Variants in PHACTR2 observed in about 807,000 individuals in gnomAD.
PHACTR2 encodes the protein phosphatase and actin regulator 2.
A neutral mutation model predicts 76.0 loss-of-function variants in PHACTR2; 30 were observed. The ratio of observed to expected loss-of-function variants is 0.39; its 90% CI spans 0.30 to 0.54. The LOEUF (loss-of-function observed/expected upper bound fraction) is 0.54, where lower values mean the gene tolerates loss of function less well. PHACTR2 is among the 20% of genes least tolerant of loss of function. The pLI is 0.61. For missense variants in PHACTR2, 696 were observed against 781.1 expected, an observed-to-expected ratio of 0.89 and a Z score of 1.30; for synonymous variants, 292 against 292.5, an observed-to-expected ratio of 1.00 and a Z score of 0.02.
rs1477693591 is a variant in PHACTR2, at chr6:143,654,828, A to C, written c.13+46506A>C. On this transcript the variant is annotated intron_variant, in intron 1 of 11. Transcript: ENST00000305766. The surrounding 1 kb of genome is among the most constrained non-coding windows in gnomAD (Gnocchi z 4.6). ...CTACAAATAAACAAAAACTAAATGAAGTATTGATACATGCCACAACATGGA... is the reference window on the plus strand; with the variant it reads ...CTACAAATAAACAAAAACTAAATGACGTATTGATACATGCCACAACATGGA... Among the ~76,000 whole-genome samples the C allele has an allele frequency of 6.6e-6, 1 of 152,006 alleles. No homozygotes were observed. Among genetic ancestry groups the C allele is most frequent in the Non-Finnish European group, 1.5e-5 (1 of 68,006 alleles).
chr6:143,551,059 A>C (rs529047100), intron 1 of PHACTR2, among the ~76,000 whole-genome samples: 4 of 133,084 alleles, frequency 3.0e-5, no homozygotes, highest in Non-Finnish European at 5.1e-5. Flanking sequence ...AAAAGACAAC[A>C]AAAAAAAACC....
intron 9 of PHACTR2, among the ~76,000 whole-genome samples, chr6:143,778,489 A>G (rs994802485): frequency 1.3e-5 from 2 of 150,948 alleles, no homozygotes; most frequent in East Asian, 3.9e-4. Context: ...TTTTTTTGAC[A>G]TAACTAGAAT....
chr6:143,571,178 G>T lies in PHACTR2; in HGVS notation c.217+33971G>T, dbSNP rs1775442235. On this transcript the variant is annotated intron_variant, in intron 1 of 11. Transcript: ENST00000367584. The surrounding 1 kb of genome is among the most constrained non-coding windows in gnomAD (Gnocchi z 4.6). ...CAGTACTTCTAACTAATCTGCAGCT[G>T]TCATTCAAATTTAGCCAATTATCCC... Among the ~76,000 whole-genome samples the T allele has an allele frequency of 6.6e-6, 1 of 152,156 alleles. No homozygotes were observed. The highest frequency in any genetic ancestry group is 6.5e-5 in the Admixed American group (1 of 15,280).
At chr6:143,817,723 ATAT>A (rs1776330472) in intron 12 of PHACTR2, among the ~76,000 whole-genome samples, 1 of 152,226 alleles carries the variant, frequency 6.6e-6, no homozygotes. Flanking sequence ...AACCTGGAGG[ATAT>A]TATGTTATGT....
chr6:143,710,676 G>A lies in PHACTR2; in HGVS notation c.47-1340G>A, dbSNP rs990423936. Reference sequence around the variant, plus strand: ...CGCGCCACTGCACTCCAGCCTGGGCGACAGAGCAAGACTCTATCTCAAAAA... The same window carrying A: ...CGCGCCACTGCACTCCAGCCTGGGCAACAGAGCAAGACTCTATCTCAAAAA... On this transcript the variant is annotated intron_variant, in intron 1 of 12. Transcript: ENST00000440869. This position sits in a 1 kb window ranked among gnomAD's most constrained non-coding sequence, Gnocchi z 4.9. 3.3e-5 allele frequency among the ~76,000 whole-genome samples: 5 copies of A among 152,278 alleles called. No homozygotes were observed. Among genetic ancestry groups the A allele is most frequent in the Admixed American group, 1.3e-4 (2 of 15,298 alleles).
At chr6:143,810,438 G>C (rs551867006) in intron 12 of PHACTR2, 1 of 276,142 alleles carries the variant, frequency 3.6e-6, no homozygotes, top group South Asian at 3.3e-5. Context: ...AGCATGCCTA[G>C]TCTACTCACT....
rs1779520812 is a variant in PHACTR2, at chr6:143,764,896, G to A, written c.695-365G>A. Among the ~76,000 whole-genome samples, 1 of 152,182 alleles carries A rather than the reference G, an allele frequency of 6.6e-6. No individual in the cohort carries two copies. Among genetic ancestry groups the A allele is most frequent in the South Asian group, 2.1e-4 (1 of 4,832 alleles). ...GTGCTACACCCAGCTAGCTGCTGATGTCTGTCCTTTACGCACCATAACATT... is the reference window on the plus strand; with the variant it reads ...GTGCTACACCCAGCTAGCTGCTGATATCTGTCCTTTACGCACCATAACATT... On this transcript the variant is annotated intron_variant, in intron 5 of 12. Transcript: ENST00000440869. This position sits in a 1 kb window ranked among gnomAD's most constrained non-coding sequence, Gnocchi z 4.7.
At chr6:143,712,217 A>T in intron 2 of PHACTR2, 34 bp downstream of exon 2, 1 of 1,330,554 alleles carries the variant, frequency 7.5e-7, no homozygotes, top group Non-Finnish European at 9.8e-7. Context: ...AAGATGGGAT[A>T]AATTGTAAAA....
chr6:143,658,419 A>AT lies in PHACTR2; in HGVS notation c.13+50104dup, dbSNP rs957223104. On this transcript the variant is annotated intron_variant, in intron 1 of 11. Coordinates refer to the PHACTR2 transcript ENST00000305766. This position sits in a 1 kb window ranked among gnomAD's most constrained non-coding sequence, Gnocchi z 4.1. ...GCACTCAGTCTCTTTTTCCCAACAG[A>AT]TTTTTTTCAATAAAGTACAACCATG... is the stretch of plus-strand genomic sequence containing the variant. Among the ~76,000 whole-genome samples the AT allele has an allele frequency of 7.2e-5, 11 of 152,168 alleles. No individual in the cohort carries two copies. The highest frequency in any genetic ancestry group is 1.9e-4 in the African/African-American group (8 of 41,446).
At chr6:143,814,774 T>C (rs1277465402) in intron 12 of PHACTR2, among the ~76,000 whole-genome samples, 9 of 151,962 alleles carry the variant, frequency 5.9e-5, no homozygotes, top group African/African-American at 1.9e-4. Context: ...GGCTAATTTT[T>C]TGTATTTTTA....
intron 1 of PHACTR2, among the ~76,000 whole-genome samples, chr6:143,584,080 C>T (rs1363964037): frequency 6.6e-6 from 1 of 152,198 alleles, no homozygotes; most frequent in Non-Finnish European, 1.5e-5. Flanking sequence ...GCTGTTAATA[C>T]CTCCTAAGCC....
chr6:143,622,480 C>T (rs1235782952), intron 1 of PHACTR2, among the ~76,000 whole-genome samples: 1 of 152,214 alleles, frequency 6.6e-6, no homozygotes, highest in African/African-American at 2.4e-5. Flanking sequence ...AGTCCTACCC[C>T]AGATGTGGCA....
rs1450094328 is a variant in PHACTR2, at chr6:143,794,373, A to G, written c.1845+5463A>G. On this transcript the variant is annotated intron_variant, in intron 11 of 12. Transcript: ENST00000440869. This position sits in a 1 kb window ranked among gnomAD's most constrained non-coding sequence, Gnocchi z 4.1. ...AGATCAGATTTAAAATATTGTATTA[A>G]GTTAATTCATGTAAAAATTATAATT... is the stretch of plus-strand genomic sequence containing the variant. Among the ~76,000 whole-genome samples the G allele has an allele frequency of 6.6e-6, 1 of 151,452 alleles. No individual in the cohort carries two copies. Among genetic ancestry groups the G allele is most frequent in the South Asian group, 2.1e-4 (1 of 4,822 alleles).
At chr6:143,729,535 G>C (rs1469419026) in intron 2 of PHACTR2, among the ~76,000 whole-genome samples, 2 of 152,056 alleles carry the variant, frequency 1.3e-5, no homozygotes, top group Non-Finnish European at 2.9e-5. Context: ...TTTGGGTCAA[G>C]GCTGGTTTTT....
In PHACTR2 at chr6:143,800,482, C is replaced by T. The variant is rs959868507; in HGVS notation, c.1846-6575C>T. 5.3e-5 allele frequency among the ~76,000 whole-genome samples: 8 copies of T among 152,044 alleles called. No individual in the cohort carries two copies. Among genetic ancestry groups the T allele is most frequent in the Admixed American group, 3.9e-4 (6 of 15,274 alleles). Reference sequence around the variant, plus strand: ...TTCACTGTGTTAGCCAGGATGGTCTCGATCTCCTGACTTCGTGATCTGCCT... The same window carrying T: ...TTCACTGTGTTAGCCAGGATGGTCTTGATCTCCTGACTTCGTGATCTGCCT... On this transcript the variant is annotated intron_variant, in intron 11 of 12. Transcript: ENST00000440869. The surrounding 1 kb of genome is among the most constrained non-coding windows in gnomAD (Gnocchi z 4.8).
upstream of PHACTR2, among the ~76,000 whole-genome samples, chr6:143,676,510 CA>C (rs941257715): frequency 1.1e-4 from 16 of 152,226 alleles, no homozygotes; most frequent in African/African-American, 2.9e-4. This position sits in a 1 kb window ranked among gnomAD's most constrained non-coding sequence, Gnocchi z 4.8. Flanking sequence ...AAGAGTGAAA[CA>C]TTCTCCCTCT....
rs1156856449 is a variant in PHACTR2 at position 143,623,954 on chromosome 6, G to C, written c.13+15632G>C. Among the ~76,000 whole-genome samples, 1 of 152,176 alleles carries C rather than the reference G, an allele frequency of 6.6e-6. No homozygotes were observed. The highest frequency in any genetic ancestry group is 1.9e-4 in the East Asian group (1 of 5,182). ...CCCATAATAAGTTGCTAATGACATG[G>C]GTCCCTACCCCAGAGTAACTTGGGG... On this transcript the variant is annotated intron_variant, in intron 1 of 11. Transcript: ENST00000305766. This position sits in a 1 kb window ranked among gnomAD's most constrained non-coding sequence, Gnocchi z 5.9.
In PHACTR2 at chr6:143,652,503, G is replaced by A. The variant is rs148940507; in HGVS notation, c.13+44181G>A. Among the ~76,000 whole-genome samples the A allele has an allele frequency of 2.0e-3, 304 of 152,298 alleles. 1 individual carries two copies. Among genetic ancestry groups the A allele is most frequent in the African/African-American group, 6.5e-3 (270 of 41,572 alleles). Reference sequence around the variant, plus strand: ...TGAGAATCTCTTCAAAGTGATGCACGCTGTGTTTTTCCCTGTGAGACGTGT... The same window carrying A: ...TGAGAATCTCTTCAAAGTGATGCACACTGTGTTTTTCCCTGTGAGACGTGT... On this transcript the variant is annotated intron_variant, in intron 1 of 11. Transcript: ENST00000305766. This position sits in a 1 kb window ranked among gnomAD's most constrained non-coding sequence, Gnocchi z 4.5.
intron 2 of PHACTR2, among the ~76,000 whole-genome samples, chr6:143,720,012 G>A (rs9376782): frequency 0.64 from 96,312 of 151,156 alleles, 32,917 homozygotes; most frequent in African/African-American, 0.91. Flanking sequence ...GGGTTTCAAC[G>A]TGTTGGCCAG....
Sources: gnomAD v4.1 joint callset for allele counts (sites outside exome capture counted in the v4.1 genomes callset) on GRCh38, gnomAD v4.1.1 for gene constraint, Gnocchi (gnomAD v3.1) non-coding constraint, MANE v1.5 for transcripts, NCBI Gene and HGNC (gene_info 2026-07-23, HGNC 2026-07-21) for gene names.